GUCY1A1: variants seen among roughly 807,000 people sequenced by gnomAD.
GUCY1A1 encodes guanylate cyclase 1 soluble subunit alpha 1.
A neutral mutation model predicts 64.5 loss-of-function variants in GUCY1A1; 48 were observed. The ratio of observed to expected loss-of-function variants is 0.74; its 90% CI spans 0.59 to 0.95. The LOEUF is 0.95. Ranked by LOEUF, GUCY1A1 falls within the 40% of genes least tolerant of loss-of-function variation. The probability of loss-of-function intolerance (pLI) is 0.00; values close to 1 mark genes in which losing one functional copy is unlikely to be tolerated. For missense variants in GUCY1A1, 804 were observed against 825.3 expected, an observed-to-expected ratio of 0.97 and a Z score of 0.32; for synonymous variants, 308 against 303.4, an observed-to-expected ratio of 1.02 and a Z score of -0.16.
At chr4:155,687,469 C>CT (rs147830754) in intron 2 of GUCY1A1, among the ~76,000 whole-genome samples, 100 of 152,216 alleles carry the variant, frequency 6.6e-4, no homozygotes, top group African/African-American at 6.3e-4. Flanking sequence ...TACATCATGA[C>CT]TTTACCATTT....
chr4:155,697,973 AC>A (rs1452601253), intron 3 of GUCY1A1, among the ~76,000 whole-genome samples: 1 of 152,206 alleles, frequency 6.6e-6, no homozygotes, highest in African/African-American at 2.4e-5. Context: ...TTAATCAGAC[AC>A]CAGCTAACAT....
At chr4:155,721,971 A>G in intron 8 of GUCY1A1, 67 bp from the exon 9 acceptor site, 3 of 1,101,282 alleles carry the variant, frequency 2.7e-6, no homozygotes, top group Non-Finnish European at 4.1e-6. Context: ...ACGGTATTCA[A>G]ACGACACTGA....
chr4:155,669,895 T>G (rs1733893908), intron 2 of GUCY1A1, among the ~76,000 whole-genome samples: 1 of 152,176 alleles, frequency 6.6e-6, no homozygotes, highest in Non-Finnish European at 1.5e-5. Flanking sequence ...CTTTACAGGT[T>G]AGTTTAAAAT....
chr4:155,731,978 A>G lies in GUCY1A1; in HGVS notation c.*1747A>G, dbSNP rs943550989. 1 of 151,236 alleles carries G rather than the reference A, an allele frequency of 6.6e-6. No individual in the cohort carries two copies. Among genetic ancestry groups the G allele is most frequent in the Non-Finnish European group, 1.5e-5 (1 of 67,762 alleles). 9.4% of individuals were successfully genotyped at this position (151,236 alleles called of 1,614,324 possible). A position where few individuals can be genotyped will look rare whatever the true frequency, so the allele number is the denominator to read the frequency against. ...CTTGAGAAAGTATAGTTACATCCTC[A>G]CAAATATATGAAGTTAAGTCACTAC... On this transcript the variant is annotated 3_prime_UTR_variant, in exon 10 of 10. Coordinates refer to ENST00000506455, the MANE Select transcript of GUCY1A1 (RefSeq NM_001130682.3).
intron 2 of GUCY1A1, among the ~76,000 whole-genome samples, chr4:155,674,807 A>G (rs1734666402): frequency 6.6e-6 from 1 of 151,652 alleles, no homozygotes. Flanking sequence ...TAAAACTAGT[A>G]CCCTCTAAAA....
intron 5 of GUCY1A1, among the ~76,000 whole-genome samples, chr4:155,709,832 CAAA>C (rs1732311878): frequency 6.7e-6 from 1 of 149,850 alleles, no homozygotes; most frequent in Admixed American, 6.6e-5. Context: ...GACTCTGTCT[CAAA>C]GAAGAAAAAA....
rs937710292 is a variant in GUCY1A1, at chr4:155,704,010, T to C, written c.317+17T>C. 6.6e-7 allele frequency: 1 copy of C among 1,526,642 alleles called. No homozygotes were observed. Among genetic ancestry groups the C allele is most frequent in the Non-Finnish European group, 9.0e-7 (1 of 1,106,614 alleles). 94.6% of individuals were successfully genotyped at this position (1,526,642 alleles called of 1,614,324 possible). A position where few individuals can be genotyped will look rare whatever the true frequency, so the allele number is the denominator to read the frequency against. On this transcript the variant is annotated intron_variant, in intron 4 of 9. Transcript: ENST00000506455. ...AGAAAGCAGGTAAGTCAAACCACTT[T>C]AGTTGTGTGAACCTCTTATTACAAT...
At chr4:155,673,739 A>G (rs1734470314) in intron 2 of GUCY1A1, among the ~76,000 whole-genome samples, 1 of 151,406 alleles carries the variant, frequency 6.6e-6, no homozygotes, top group Non-Finnish European at 1.5e-5. Context: ...TTTGTGGAGA[A>G]CACCACTTTT....
chr4:155,698,659 G>A (rs1005155252), intron 3 of GUCY1A1, among the ~76,000 whole-genome samples: 2 of 152,184 alleles, frequency 1.3e-5, no homozygotes, highest in Non-Finnish European at 2.9e-5. Flanking sequence ...CTGGGCGACA[G>A]AGCGAGACTC....
At chr4:155,702,100 G>T (rs1027723889) in intron 3 of GUCY1A1, among the ~76,000 whole-genome samples, 1 of 152,018 alleles carries the variant, frequency 6.6e-6, no homozygotes, top group Non-Finnish European at 1.5e-5. Flanking sequence ...GGATGGAGGG[G>T]TAAGCAAAAC....
At position 155,675,445 on chromosome 4, in the gene GUCY1A1, A is replaced by G. The variant is rs892393817; in HGVS notation, c.-113+8026A>G. Among the ~76,000 whole-genome samples, 7 of 151,636 alleles carry G rather than the reference A, an allele frequency of 4.6e-5. 1 individual carries two copies. Among genetic ancestry groups the G allele is most frequent in the African/African-American group, 1.7e-4 (7 of 40,898 alleles). ...TTGTAAAGCAAGATATCCATATATTAGATTAGCACTATACATTTGTAAATA... is the reference window on the plus strand; with the variant it reads ...TTGTAAAGCAAGATATCCATATATTGGATTAGCACTATACATTTGTAAATA... On this transcript the variant is annotated intron_variant, in intron 2 of 9. Coordinates refer to ENST00000506455, the MANE Select transcript of GUCY1A1 (RefSeq NM_001130682.3).
chr4:155,703,864 T>G, intron 3 of GUCY1A1, 68 bp from the exon 4 acceptor site: 1 of 934,706 alleles, frequency 1.1e-6, no homozygotes, highest in South Asian at 1.5e-5. Flanking sequence ...GGATGCATTT[T>G]TAAATATATA....
intron 2 of GUCY1A1, among the ~76,000 whole-genome samples, chr4:155,687,985 A>G (rs1268217510): frequency 6.6e-6 from 1 of 152,026 alleles, no homozygotes; most frequent in East Asian, 1.9e-4. Flanking sequence ...GCACTTTGGG[A>G]GGCCGAAGTG....
At chr4:155,678,538 C>T (rs940468261) in intron 2 of GUCY1A1, among the ~76,000 whole-genome samples, 1 of 152,144 alleles carries the variant, frequency 6.6e-6, no homozygotes, top group Non-Finnish European at 1.5e-5. Flanking sequence ...CATCACTGTT[C>T]TACAGATGAA....
At chr4:155,713,703 C>T in intron 7 of GUCY1A1, 120 bp downstream of exon 7, 1 of 1,026,418 alleles carries the variant, frequency 9.7e-7, no homozygotes, top group East Asian at 2.6e-5. Flanking sequence ...CTTGCAAGCC[C>T]AGTCCTGGGA....
chr4:155,685,200 C>T (rs1220853267), intron 2 of GUCY1A1, among the ~76,000 whole-genome samples: 1 of 152,174 alleles, frequency 6.6e-6, no homozygotes, highest in Non-Finnish European at 1.5e-5. Context: ...CTCACACACC[C>T]TTCCCATAAG....
chr4:155,717,119 TG>T, intron 7 of GUCY1A1, 39 bp from the exon 8 acceptor site: 1 of 1,320,692 alleles, frequency 7.6e-7, no homozygotes, highest in Non-Finnish European at 1.0e-6. Flanking sequence ...TGATTCTTCC[TG>T]AGCATTTATT....
intron 2 of GUCY1A1, among the ~76,000 whole-genome samples, chr4:155,696,102 G>A (rs947417908): frequency 6.6e-6 from 1 of 152,142 alleles, no homozygotes; most frequent in Non-Finnish European, 1.5e-5. Context: ...CCCATGGTAT[G>A]TTCTTGGGGA....
intron 2 of GUCY1A1, among the ~76,000 whole-genome samples, chr4:155,683,654 G>T (rs1163891030): frequency 1.3e-5 from 2 of 152,154 alleles, no homozygotes; most frequent in Non-Finnish European, 2.9e-5. Context: ...AAGAAGATGA[G>T]AAAATTATGA....
Sources: allele counts gnomAD v4.1 joint callset (sites outside exome capture counted in the v4.1 genomes callset), GRCh38; gene constraint gnomAD v4.1.1; transcripts MANE v1.5; gene names NCBI Gene and HGNC (gene_info 2026-07-23, HGNC 2026-07-21).